Variants in FUBP3 observed in about 807,000 individuals in gnomAD.
FUBP3 encodes the protein far upstream element binding protein 3.
FUBP3 carries 28 observed loss-of-function variants against 85.6 expected under a neutral mutation model. That is an observed-to-expected ratio of 0.33 (90% confidence interval 0.24 to 0.45). The LOEUF is 0.45. Among genes scored for constraint, FUBP3 ranks in the 20% least tolerant of loss-of-function variants. The pLI is 1.00. For missense variants in FUBP3, 583 were observed against 755.1 expected, an observed-to-expected ratio of 0.77 and a Z score of 2.67; for synonymous variants, 271 against 271.4, an observed-to-expected ratio of 1.00 and a Z score of 0.01.
chr9:130,608,724 T>G (rs1831587993), intron 2 of FUBP3, among the ~76,000 whole-genome samples: 1 of 152,248 alleles, frequency 6.6e-6, no homozygotes, highest in East Asian at 1.9e-4. Context: ...GACCATTATC[T>G]TGTTATTGAT....
rs746755919 is a variant in FUBP3 at position 130,620,422 on chromosome 9, C to T, written c.735C>T (p.Gly245=). 7.5e-6 allele frequency: 12 copies of T among 1,600,340 alleles called. No individual in the cohort carries two copies. Among genetic ancestry groups the T allele is most frequent in the East Asian group, 2.3e-5 (1 of 44,278 alleles). ...KDQADFRGVR[G]DFNSRMGGGS... is the part of the protein sequence containing the mutation. The stretch of plus-strand genomic sequence containing the variant: ...AAGCTGACTTTCGGGGTGTACGCGG[C>T]GATTTCAACTCTCGAATGGGAGGAG... Residue 245 remains glycine, a synonymous_variant, in exon 9 of 19, where the codon GGC becomes GGT. Coordinates refer to ENST00000319725, the MANE Select transcript of FUBP3 (RefSeq NM_003934.2).
chr9:130,636,301 C>G, intron 18 of FUBP3, 175 bp downstream of exon 18: 3 of 723,598 alleles, frequency 4.1e-6, no homozygotes, highest in African/African-American at 1.7e-5. Flanking sequence ...CCCTCTGTCC[C>G]TCCTCGCTCT....
At chr9:130,632,615 C>G (rs1830260098) in intron 16 of FUBP3, among the ~76,000 whole-genome samples, 1 of 152,222 alleles carries the variant, frequency 6.6e-6, no homozygotes, top group Admixed American at 6.5e-5. Context: ...AGCTTCTGCT[C>G]CTCCTCTTCT....
At chr9:130,614,573 A>AGGT (rs1431170802) in intron 6 of FUBP3, among the ~76,000 whole-genome samples, 1 of 152,200 alleles carries the variant, frequency 6.6e-6, no homozygotes, top group African/African-American at 2.4e-5. Flanking sequence ...CTGTCATAAC[A>AGGT]TCTACTTCAA....
At chr9:130,615,068 TTTA>T (rs1221569214) in intron 6 of FUBP3, among the ~76,000 whole-genome samples, 1 of 152,200 alleles carries the variant, frequency 6.6e-6, no homozygotes, top group Non-Finnish European at 1.5e-5. Flanking sequence ...GTAGGGTTGT[TTTA>T]TTGTTTCCAT....
At chr9:130,593,902 A>G (rs1270099766) in intron 1 of FUBP3, among the ~76,000 whole-genome samples, 1 of 152,240 alleles carries the variant, frequency 6.6e-6, no homozygotes, top group East Asian at 1.9e-4. Context: ...GAAGTTCTGC[A>G]TACCATTTGT....
chr9:130,632,521 G>A (rs1830256336), intron 16 of FUBP3, among the ~76,000 whole-genome samples: 1 of 152,240 alleles, frequency 6.6e-6, no homozygotes, highest in Admixed American at 6.5e-5. Flanking sequence ...ACTCTGGGCT[G>A]GCCCTCTCTT....
intron 1 of FUBP3, among the ~76,000 whole-genome samples, chr9:130,589,675 G>GTGTGTGTATGTGTATGTATATATA (rs869282275): frequency 1.7e-4 from 6 of 34,312 alleles, no homozygotes; most frequent in Admixed American, 4.8e-4. Context: ...GTATGTGTGT[G>GTGTGTGTATGTGTATGTATATATA]TATATATATA....
intron 2 of FUBP3, among the ~76,000 whole-genome samples, chr9:130,603,027 A>G (rs1780087940): frequency 6.6e-6 from 1 of 152,106 alleles, no homozygotes; most frequent in African/African-American, 2.4e-5. Context: ...ATCCCAAGGT[A>G]ACAAAGGGTA....
Position 130,595,557 on chromosome 9 carries a change from C to T in FUBP3, c.159C>T (p.Tyr53=), listed in dbSNP as rs778179333. 11 of 1,572,992 alleles carry T rather than the reference C, an allele frequency of 7.0e-6. No homozygotes were observed. In the Admixed American group the frequency reaches 1.3e-4, roughly 19 times the overall value. ...TAGTGGACCCCTCAGTATATGGATA[C>T]GGAGTACAAAAACGGCCCTTGGATG... ...TPLVDPSVYG[Y]GVQKRPLDDG... Residue 53 remains tyrosine, a synonymous_variant, in exon 2 of 19, where the codon TAC becomes TAT. Coordinates refer to ENST00000319725, the MANE Select transcript of FUBP3 (RefSeq NM_003934.2).
chr9:130,629,233 C>T (rs533647825), intron 12 of FUBP3, among the ~76,000 whole-genome samples: 2 of 152,190 alleles, frequency 1.3e-5, no homozygotes, highest in African/African-American at 4.8e-5. Flanking sequence ...GGTGCTGGCC[C>T]GGTGTCCCCA....
intron 1 of FUBP3, 125 bp from the exon 2 acceptor site, chr9:130,595,358 T>A: frequency 1.5e-6 from 1 of 652,312 alleles, no homozygotes; most frequent in Non-Finnish European, 2.8e-6. Context: ...CTTGCGGTGC[T>A]GCCTTCCATT....
rs754247625 is a variant in FUBP3 at position 130,626,480 on chromosome 9, T to A, written c.1092T>A (p.Asp364Glu). The change falls in exon 12 of 19, where the codon GAT (aspartate) becomes GAA (glutamate). Residue 364 changes from aspartate to glutamate, a missense_variant. Transcript: ENST00000319725. ...VQEITYTVPA[D>E]KCGLVIGKGG... ...AGATAACATACACGGTGCCAGCCGATAAGTGTGGCCTCGTCATAGGCAAAG... is the reference window on the plus strand; with the variant it reads ...AGATAACATACACGGTGCCAGCCGAAAAGTGTGGCCTCGTCATAGGCAAAG... 1.2e-6 allele frequency: 2 copies of A among 1,614,098 alleles called. No individual in the cohort carries two copies. Among genetic ancestry groups the A allele is most frequent in the African/African-American group, 2.7e-5 (2 of 75,012 alleles).
rs1346397406 is a variant in FUBP3, at chr9:130,623,619, A to G, written c.883A>G (p.Ile295Val). Residue 295 changes from isoleucine to valine, a missense_variant, in exon 11 of 19, where the codon ATT (isoleucine) becomes GTT (valine). This residue lies in a region of FUBP3 where 404 missense variants were observed against 516.8 expected (regional missense o/e 0.78). Coordinates refer to ENST00000319725, the MANE Select transcript of FUBP3 (RefSeq NM_003934.2). ...CTCACCTGGCTCCTCAGATGATGGGATTAGTCCAGAAAGAGCTGCCCAGGT... is the reference window on the plus strand; with the variant it reads ...CTCACCTGGCTCCTCAGATGATGGGGTTAGTCCAGAAAGAGCTGCCCAGGT... ...VRIQFKPDDG[I>V]SPERAAQVMG... The G allele has an allele frequency of 6.2e-7, 1 of 1,609,940 alleles. No homozygotes were observed. Among genetic ancestry groups the G allele is most frequent in the South Asian group, 1.1e-5 (1 of 90,984 alleles).
chr9:130,619,243 G>C (rs1448064751), intron 8 of FUBP3, among the ~76,000 whole-genome samples: 1 of 146,318 alleles, frequency 6.8e-6, no homozygotes, highest in African/African-American at 2.5e-5. Context: ...TAAATTTGCA[G>C]GAAAATAATT....
At chr9:130,631,242 G>A (rs1830196201) in intron 13 of FUBP3, 1 of 1,296,020 alleles carries the variant, frequency 7.7e-7, no homozygotes, top group Admixed American at 3.7e-5. Flanking sequence ...TGGGGACGTA[G>A]AATGGCAGAA....
At chr9:130,589,705 A>ATATATATTTTTT (rs1414691549) in intron 1 of FUBP3, among the ~76,000 whole-genome samples, 21 of 73,790 alleles carry the variant, frequency 2.8e-4, no homozygotes, top group African/African-American at 1.5e-3. Context: ...ATATATATAT[A>ATATATATTTTTT]TTTTTTTTTT....
intron 16 of FUBP3, among the ~76,000 whole-genome samples, chr9:130,634,062 T>G (rs1431289620): frequency 6.6e-6 from 1 of 152,086 alleles, no homozygotes; most frequent in Non-Finnish European, 1.5e-5. Flanking sequence ...GAGGCTCTGT[T>G]CCCCCATGCT....
At chr9:130,634,812 C>T in intron 17 of FUBP3, 74 bp downstream of exon 17, 1 of 1,161,212 alleles carries the variant, frequency 8.6e-7, no homozygotes, top group Middle Eastern at 1.9e-4. Context: ...CCAAGGCTCA[C>T]TGTCACCTCT....
Sources: allele counts gnomAD v4.1 joint callset (sites outside exome capture counted in the v4.1 genomes callset), GRCh38; gene constraint gnomAD v4.1.1; regional missense constraint gnomAD v4.1.1; transcripts MANE v1.5; gene names NCBI Gene and HGNC (gene_info 2026-07-23, HGNC 2026-07-21).